CSMD3: variants seen among roughly 807,000 people sequenced by gnomAD.
CSMD3 encodes the protein CUB and sushi domain-containing protein 3.
CSMD3 carries 177 observed loss-of-function variants against 435.2 expected under a neutral mutation model. The observed-to-expected ratio is 0.41, with a 90% CI of 0.36 to 0.46. The LOEUF is 0.46. Among genes scored for constraint, CSMD3 ranks in the 20% least tolerant of loss-of-function variants. The probability of loss-of-function intolerance (pLI) is 0.34; values close to 1 mark genes in which losing one functional copy is unlikely to be tolerated. For synonymous variants in CSMD3, 1,656 were observed against 1,520.5 expected (o/e 1.09, Z -2.07); for missense variants, 4,265 against 4,504.6 (o/e 0.95, Z 1.52).
intron 4 of CSMD3, among the ~76,000 whole-genome samples, chr8:113,152,554 TA>T (rs1278115537): frequency 6.6e-6 from 1 of 152,104 alleles, no homozygotes; most frequent in East Asian, 1.9e-4. Context: ...ACCTAAGCTT[TA>T]AATAGAATTA....
chr8:113,246,609 T>C (rs1050564089), intron 3 of CSMD3, among the ~76,000 whole-genome samples: 3 of 152,124 alleles, frequency 2.0e-5, no homozygotes, highest in African/African-American at 7.2e-5. Context: ...TTTTTTCCTA[T>C]TATGGGCCAT....
In CSMD3 at chr8:112,263,830, G is replaced by A. The variant is rs1228465697; in HGVS notation, c.9689-18C>T. ...GGTAACAGCTGCAATTACATTAAAA[G>A]TGATTAGACACAGCTGTTGAAATAT... is the stretch of plus-strand genomic sequence containing the variant. On this transcript the variant is annotated intron_variant, in intron 60 of 70. Coordinates refer to ENST00000297405, the MANE Select transcript of CSMD3 (RefSeq NM_198123.2). The A allele has an allele frequency of 6.2e-7, 1 of 1,606,668 alleles. No homozygotes were observed. The highest frequency in any genetic ancestry group is 1.1e-5 in the South Asian group (1 of 90,930).
At position 112,371,889 on chromosome 8, in the gene CSMD3, C is replaced by CA. The variant is rs1002998679; in HGVS notation, c.6136+8462dup. The stretch of plus-strand genomic sequence containing the variant: ...TGAGCGACAGAGTGAGACTCTGTCT[C>CA]AAAAAAAAACCAAAAAAACAAAAAA... On this transcript the variant is annotated intron_variant, in intron 38 of 70. Transcript: ENST00000297405. Among the ~76,000 whole-genome samples, 177 of 147,058 alleles carry CA rather than the reference C, an allele frequency of 1.2e-3. 1 individual carries two copies. The highest frequency in any genetic ancestry group is 3.8e-3 in the African/African-American group (151 of 39,840).
At chr8:112,402,876 T>A (rs1246717560) in intron 35 of CSMD3, among the ~76,000 whole-genome samples, 1 of 152,192 alleles carries the variant, frequency 6.6e-6, no homozygotes, top group Non-Finnish European at 1.5e-5. Flanking sequence ...TCATGATTCC[T>A]TTAGTTCAGA....
chr8:113,172,546 T>G (rs866933689), intron 4 of CSMD3, among the ~76,000 whole-genome samples: 17 of 152,188 alleles, frequency 1.1e-4, no homozygotes, highest in Admixed American at 3.9e-4. Flanking sequence ...TATTTAATCC[T>G]CACAAGAAAT....
intron 1 of CSMD3, among the ~76,000 whole-genome samples, chr8:113,434,084 A>G (rs1392921098): frequency 1.3e-5 from 2 of 152,160 alleles, no homozygotes; most frequent in Non-Finnish European, 1.5e-5. Flanking sequence ...AGACCACTTT[A>G]TCTTACACTC....
In CSMD3 at chr8:112,602,566, CAAA is replaced by C. The variant is rs199693088; in HGVS notation, c.3716-15334_3716-15332del. On this transcript the variant is annotated intron_variant, in intron 22 of 70. Transcript: ENST00000297405. ...GGGCAACAAGAGCAAAACTCTGTCT[CAAA>C]AAAAAAAAAAAAAAGAAAGAAAAGA... Among the ~76,000 whole-genome samples, 334 of 125,058 alleles carry C rather than the reference CAAA, an allele frequency of 2.7e-3. 1 individual carries two copies. Among genetic ancestry groups the C allele is most frequent in the African/African-American group, 7.3e-3 (259 of 35,392 alleles). 82.0% of individuals were successfully genotyped at this position (125,058 alleles called of 152,430 possible).
intron 56 of CSMD3, among the ~76,000 whole-genome samples, chr8:112,290,380 C>A (rs1819644855): frequency 6.6e-6 from 1 of 151,908 alleles, no homozygotes; most frequent in Non-Finnish European, 1.5e-5. Flanking sequence ...GCTCAGAACA[C>A]CTGAAGAACT....
chr8:113,144,488 C>G (rs2091625437), intron 4 of CSMD3, among the ~76,000 whole-genome samples: 1 of 151,496 alleles, frequency 6.6e-6, no homozygotes, highest in Non-Finnish European at 1.5e-5. Context: ...CAATAATTCT[C>G]GAAATATCCT....
rs932571282 is a variant in CSMD3, at chr8:112,266,008, A to G, written c.9509-418T>C. Among the ~76,000 whole-genome samples the G allele has an allele frequency of 9.9e-5, 15 of 152,280 alleles. No homozygotes were observed. The East Asian group carries it at 1.2e-3, about 12-fold the overall frequency. The stretch of plus-strand genomic sequence containing the variant: ...TTATCAGGCATGCTGGATGGAGAGC[A>G]TATTTTCTGCAGTGTCACTCAGAAA... On this transcript the variant is annotated intron_variant, in intron 59 of 70. Coordinates refer to ENST00000297405, the MANE Select transcript of CSMD3 (RefSeq NM_198123.2).
rs1349440666 is a variant in CSMD3, at chr8:112,306,162, G to GT, written c.7915dup (p.Thr2639AsnfsTer21). 6.2e-7 allele frequency: 1 copy of GT among 1,613,326 alleles called. No individual in the cohort carries two copies. Among genetic ancestry groups the GT allele is most frequent in the Non-Finnish European group, 8.5e-7 (1 of 1,179,662 alleles). On this transcript the variant is annotated frameshift_variant, in exon 51 of 71. Transcript: ENST00000297405. LOFTEE classifies it high-confidence loss of function. ...GTCTGTTGTTAGTATTCCTCCATTT[G>GT]TTGGAGCTTTAGGAATCCCACAGGA... is the stretch of plus-strand genomic sequence containing the variant.
intron 5 of CSMD3, among the ~76,000 whole-genome samples, chr8:113,069,362 AC>A (rs2131396315): frequency 6.6e-6 from 1 of 152,242 alleles, no homozygotes; most frequent in East Asian, 1.9e-4. Context: ...TTCAGTGCCC[AC>A]TAAATTCTGG....
intron 32 of CSMD3, among the ~76,000 whole-genome samples, chr8:112,424,395 A>G (rs191328515): frequency 2.0e-5 from 3 of 152,302 alleles, no homozygotes; most frequent in African/African-American, 7.2e-5. Flanking sequence ...AAGAAACTAT[A>G]AAGAACATAA....
At chr8:112,372,742 A>G (rs1253294003) in intron 38 of CSMD3, among the ~76,000 whole-genome samples, 1 of 151,710 alleles carries the variant, frequency 6.6e-6, no homozygotes, top group Non-Finnish European at 1.5e-5. Context: ...CCAGCTACTC[A>G]GGAGGCTGAG....
intron 31 of CSMD3, among the ~76,000 whole-genome samples, chr8:112,486,573 A>G (rs1430485216): frequency 6.6e-6 from 1 of 152,170 alleles, no homozygotes; most frequent in Non-Finnish European, 1.5e-5. Context: ...TTGAAATTCC[A>G]CCAGCATTTC....
chr8:112,402,883 C>G (rs73700693), intron 35 of CSMD3, among the ~76,000 whole-genome samples: 3,107 of 152,030 alleles, frequency 0.02, 104 homozygotes, highest in African/African-American at 0.071. Context: ...TCCTTTAGTT[C>G]AGAATGTTAT....
chr8:113,317,261 C>T (rs2093917386), intron 1 of CSMD3, among the ~76,000 whole-genome samples: 1 of 152,122 alleles, frequency 6.6e-6, no homozygotes, highest in Admixed American at 6.6e-5. Flanking sequence ...GGTTAATTAG[C>T]TATCACCCAT....
chr8:112,298,882 G>A (rs1294522008), intron 53 of CSMD3, among the ~76,000 whole-genome samples: 5 of 152,104 alleles, frequency 3.3e-5, no homozygotes, highest in Admixed American at 3.3e-4. Context: ...CAAGAGAAAT[G>A]AATGCGTATG....
chr8:112,778,084 G>A (rs775608068), intron 13 of CSMD3, among the ~76,000 whole-genome samples: 18 of 151,522 alleles, frequency 1.2e-4, no homozygotes, highest in African/African-American at 2.2e-4. Flanking sequence ...TTTTGTGTTC[G>A]CAGCAAAATT....
Sources: allele counts gnomAD v4.1 joint callset (sites outside exome capture counted in the v4.1 genomes callset), GRCh38; gene constraint gnomAD v4.1.1; transcripts MANE v1.5; gene names NCBI Gene and HGNC (gene_info 2026-07-23, HGNC 2026-07-21).